The following ZG16 variants were observed in gnomAD, a reference collection of about 807,000 sequenced individuals.
The protein encoded by ZG16 is zymogen granule protein 16, also known as zymogen granule membrane protein 16.
ZG16 carries 9 observed loss-of-function variants against 15.6 expected under a neutral mutation model. That is an observed-to-expected ratio of 0.58 (90% confidence interval 0.35 to 1.00). ZG16 has a LOEUF of 1.00. ZG16 is among the 50% of genes least tolerant of loss of function. The pLI, the probability that ZG16 is intolerant of heterozygous loss-of-function variation, is 0.02. For synonymous variants in ZG16, 89 were observed against 87.4 expected (o/e 1.02, Z -0.10); for missense variants, 174 against 214.8 (o/e 0.81, Z 1.19).
At position 29,779,606 on chromosome 16, in the gene ZG16, C is replaced by T. The variant is rs768594263; in HGVS notation, c.157C>T (p.Arg53Trp). 2.9e-5 allele frequency: 44 copies of T among 1,536,652 alleles called. No homozygotes were observed. Among genetic ancestry groups the T allele is most frequent in the Admixed American group, 7.9e-5 (4 of 50,772 alleles). The stretch of plus-strand genomic sequence containing the variant: ...GTTGGACGGCCCCATCACCGCCCTC[C>T]GGGTCCGAGTCAACACATACTACAT... ...NQLDGPITAL[R>W]VRVNTYYIVG... The change falls in exon 3 of 4, where the codon CGG becomes TGG. Residue 53 changes from arginine (R) to tryptophan (W), a missense_variant. Coordinates refer to ENST00000400752, the MANE Select transcript of ZG16 (RefSeq NM_152338.4).
Position 29,781,695 on chromosome 16 carries a change from T to G in ZG16, c.*1276T>G, listed in dbSNP as rs1898626613. On this transcript the variant is annotated 3_prime_UTR_variant, in exon 4 of 4. Coordinates refer to ENST00000400752, the MANE Select transcript of ZG16 (RefSeq NM_152338.4). ...GGGAGGCTGAGGCATGAGAATCACT[T>G]GAATGCTGGAGGCAGAGGTTACAAT... The G allele has an allele frequency of 6.6e-6, 1 of 151,998 alleles. No individual in the cohort carries two copies. Among genetic ancestry groups the G allele is most frequent in the Non-Finnish European group, 1.5e-5 (1 of 68,030 alleles). 9.4% of individuals were successfully genotyped at this position (151,998 alleles called of 1,614,324 possible).
rs1343645838 is a variant in ZG16, at chr16:29,779,624, T to A, written c.175T>A (p.Tyr59Asn). 6.5e-6 allele frequency: 10 copies of A among 1,537,208 alleles called. No individual in the cohort carries two copies. Among genetic ancestry groups the A allele is most frequent in the African/African-American group, 1.4e-5 (1 of 73,118 alleles). The change falls in exon 3 of 4, where the codon TAC (tyrosine) becomes AAC (asparagine). Residue 59 changes from tyrosine (Y) to asparagine (N), a missense_variant. Tyr to Asn is a moderately radical substitution (Grantham distance 143, BLOSUM62 -2). Transcript: ENST00000400752. The stretch of plus-strand genomic sequence containing the variant: ...CGCCCTCCGGGTCCGAGTCAACACA[T>A]ACTACATCGTAGGGTAAGATTCTTT... ...ITALRVRVNTYYIVGLQVRYG... is the reference protein window; with the variant it reads ...ITALRVRVNTNYIVGLQVRYG...
At chr16:29,778,566 A>G (rs938542835) in intron 1 of ZG16, among the ~76,000 whole-genome samples, 2 of 152,058 alleles carry the variant, frequency 1.3e-5, no homozygotes, top group African/African-American at 4.8e-5. Flanking sequence ...CTGGGGTCTA[A>G]TATCTTGAGC....
chr16:29,780,278 G>C lies in ZG16; in HGVS notation c.363G>C (p.Gly121=), dbSNP rs1276087958. 3.9e-6 allele frequency: 6 copies of C among 1,537,428 alleles called. No individual in the cohort carries two copies. Among genetic ancestry groups the C allele is most frequent in the Non-Finnish European group, 5.2e-6 (6 of 1,146,944 alleles). The stretch of plus-strand genomic sequence containing the variant: ...ACAAGGGCCGCTATCTGTCTTTTGG[G>C]AAAGACAGTGGCACAAGTTTCAATG... ...VTDKGRYLSF[G]KDSGTSFNAV... The change falls in exon 4 of 4, where the codon GGG becomes GGC. Residue 121 remains glycine (G), a synonymous_variant. Transcript: ENST00000400752.
rs1456601096 is a variant in ZG16 at position 29,779,610 on chromosome 16, TC to T, written c.163del (p.Arg55GlufsTer8). On this transcript the variant is annotated frameshift_variant, in exon 3 of 4. Transcript: ENST00000400752. LOFTEE classifies it high-confidence loss of function. ...GACGGCCCCATCACCGCCCTCCGGG[TC>T]CGAGTCAACACATACTACATCGTAG... ...QLDGPITALRVRVNTYYIVGL... is the reference protein window; with the variant it reads ...QLDGPITALRXRVNTYYIVGL... 6.5e-7 allele frequency: 1 copy of T among 1,527,038 alleles called. No individual in the cohort carries two copies. The highest frequency in any genetic ancestry group is 8.7e-7 in the Non-Finnish European group (1 of 1,145,448). 94.6% of individuals were successfully genotyped at this position (1,527,038 alleles called of 1,614,324 possible).
rs1898615668 is a variant in ZG16, at chr16:29,780,662, G to A, written c.*243G>A. The A allele has an allele frequency of 2.1e-6, 1 of 483,704 alleles. No homozygotes were observed. Among genetic ancestry groups the A allele is most frequent in the South Asian group, 3.2e-5 (1 of 31,034 alleles). The allele number at this position is 483,704 out of a possible 1,614,324, so 30.0% of individuals were successfully genotyped here. On this transcript the variant is annotated 3_prime_UTR_variant, in exon 4 of 4. Transcript: ENST00000400752. ...GGTATGTAAGAATCCTGGGCTTTGT[G>A]CTATAATTTATCAAGAGGAGATGAG...
Position 29,781,368 on chromosome 16 carries a change from G to C in ZG16, c.*949G>C, listed in dbSNP as rs1378903092. 1.3e-5 allele frequency: 2 copies of C among 152,266 alleles called. No individual in the cohort carries two copies. Among genetic ancestry groups the C allele is most frequent in the African/African-American group, 4.8e-5 (2 of 41,468 alleles). 9.4% of individuals were successfully genotyped at this position (152,266 alleles called of 1,614,324 possible). Reference sequence around the variant, plus strand: ...AGAAAGAGGCTGGAGATTCTGAAAAGAGATCACTGGTGAGGTCTCAAAAGA... The same window carrying C: ...AGAAAGAGGCTGGAGATTCTGAAAACAGATCACTGGTGAGGTCTCAAAAGA... On this transcript the variant is annotated 3_prime_UTR_variant, in exon 4 of 4. Transcript: ENST00000400752.
At position 29,781,458 on chromosome 16, in the gene ZG16, G is replaced by A. The variant is rs1596833208; in HGVS notation, c.*1039G>A. On this transcript the variant is annotated 3_prime_UTR_variant, in exon 4 of 4. Transcript: ENST00000400752. ...TAAGAAGGGAAGAAAATTAAAATGA[G>A]TGAAGGTATACGTTAGTTTTGTAAA... is the stretch of plus-strand genomic sequence containing the variant. 2.0e-5 allele frequency: 3 copies of A among 152,222 alleles called. No individual in the cohort carries two copies. Among genetic ancestry groups the A allele is most frequent in the African/African-American group, 4.8e-5 (2 of 41,442 alleles). 9.4% of individuals were successfully genotyped at this position (152,222 alleles called of 1,614,324 possible). A position where few individuals can be genotyped will look rare whatever the true frequency, so the allele number is the denominator to read the frequency against.
rs1397579612 is a variant in ZG16, at chr16:29,782,177, G to A, written c.*1758G>A. On this transcript the variant is annotated 3_prime_UTR_variant, in exon 4 of 4. Coordinates refer to ENST00000400752, the MANE Select transcript of ZG16 (RefSeq NM_152338.4). Reference sequence around the variant, plus strand: ...TAGCAATATGTCTGCCCCAGTGAATGCAGCCGCCACGGAGCCCCAGCCTCC... The same window carrying A: ...TAGCAATATGTCTGCCCCAGTGAATACAGCCGCCACGGAGCCCCAGCCTCC... 1 of 152,272 alleles carries A rather than the reference G, an allele frequency of 6.6e-6. No individual in the cohort carries two copies. Among genetic ancestry groups the A allele is most frequent in the East Asian group, 1.9e-4 (1 of 5,196 alleles). 9.4% of individuals were successfully genotyped at this position (152,272 alleles called of 1,614,324 possible).
chr16:29,780,743 C>T lies in ZG16; in HGVS notation c.*324C>T. 1 of 267,380 alleles carries T rather than the reference C, an allele frequency of 3.7e-6. No individual in the cohort carries two copies. The highest frequency in any genetic ancestry group is 8.9e-5 in the East Asian group (1 of 11,274). 16.6% of individuals were successfully genotyped at this position (267,380 alleles called of 1,614,324 possible). A position where few individuals can be genotyped will look rare whatever the true frequency, so the allele number is the denominator to read the frequency against. On this transcript the variant is annotated 3_prime_UTR_variant, in exon 4 of 4. Transcript: ENST00000400752. ...CAGCTCCTTGGAACATTGATCCAAA[C>T]TGGAGTCATGGGTCTGAGGGCAAGG...
intron 1 of ZG16, among the ~76,000 whole-genome samples, chr16:29,778,697 C>T (rs1158552260): frequency 6.6e-6 from 1 of 152,120 alleles, no homozygotes; most frequent in Non-Finnish European, 1.5e-5. Context: ...ATAGAGGCAA[C>T]TCTAAAATGC....
intron 1 of ZG16, among the ~76,000 whole-genome samples, chr16:29,778,537 T>C (rs1306048350): frequency 6.7e-6 from 1 of 148,668 alleles, no homozygotes; most frequent in African/African-American, 2.5e-5. Context: ...AAAAGAATAG[T>C]GACACATAGA....
rs754994624 is a variant in ZG16 at position 29,780,095 on chromosome 16, C to T, written c.189-9C>T. The T allele has an allele frequency of 6.5e-7, 1 of 1,530,876 alleles. No individual in the cohort carries two copies. The highest frequency in any genetic ancestry group is 1.2e-5 in the South Asian group (1 of 83,638). 94.8% of individuals were successfully genotyped at this position (1,530,876 alleles called of 1,614,324 possible). ...TTTCTTTCTCCTTCCTTCCTCCCCT[C>T]TTCCTCAGTCTTCAGGTGCGCTATG... On this transcript the variant is annotated splice_polypyrimidine_tract_variant and intron_variant, in intron 3 of 3. Transcript: ENST00000400752.
Position 29,781,783 on chromosome 16 carries a change from A to G in ZG16, c.*1364A>G, listed in dbSNP as rs528417291. The G allele has an allele frequency of 6.6e-6, 1 of 152,342 alleles. No individual in the cohort carries two copies. The highest frequency in any genetic ancestry group is 1.9e-4 in the East Asian group (1 of 5,182). The allele number at this position is 152,342 out of a possible 1,614,324, so 9.4% of individuals were successfully genotyped here. A position where few individuals can be genotyped will look rare whatever the true frequency, so the allele number is the denominator to read the frequency against. ...CAGAGTGAGACTCCATCTAAAAAAA[A>G]AAGGAATGTTATCAGTATCAAAATG... On this transcript the variant is annotated 3_prime_UTR_variant, in exon 4 of 4. Coordinates refer to ENST00000400752, the MANE Select transcript of ZG16 (RefSeq NM_152338.4).
In ZG16 at chr16:29,782,322, C is replaced by T. The variant is rs1366655299; in HGVS notation, c.*1903C>T. The T allele has an allele frequency of 6.6e-6, 1 of 152,160 alleles. No homozygotes were observed. The highest frequency in any genetic ancestry group is 2.4e-5 in the African/African-American group (1 of 41,424). 9.4% of individuals were successfully genotyped at this position (152,160 alleles called of 1,614,324 possible). On this transcript the variant is annotated 3_prime_UTR_variant, in exon 4 of 4. Transcript: ENST00000400752. The stretch of plus-strand genomic sequence containing the variant: ...GGGGCTCACACCTGTAATCCCAGCA[C>T]ACTTGTAATCCCAGGAGGGTCGCTT...
Position 29,778,880 on chromosome 16 carries a change from C to T in ZG16, c.-7-380C>T, listed in dbSNP as rs144836066. Among the ~76,000 whole-genome samples, 1,207 of 152,268 alleles carry T rather than the reference C, an allele frequency of 7.9e-3. 23 individuals carry two copies. The highest frequency in any genetic ancestry group is 0.028 in the African/African-American group (1,144 of 41,550). On this transcript the variant is annotated intron_variant, in intron 1 of 3. Coordinates refer to ENST00000400752, the MANE Select transcript of ZG16 (RefSeq NM_152338.4). ...TCCTCTACTCCCTCCTTAGAAAACT[C>T]GTTTCCTGGCTATGGCCATACCAAC...
chr16:29,779,747 G>C, intron 3 of ZG16, 110 bp downstream of exon 3: 1 of 1,341,168 alleles, frequency 7.5e-7, no homozygotes, highest in South Asian at 1.4e-5. Flanking sequence ...CTCAGCCTGG[G>C]CAAGATGCCA....
intron 2 of ZG16, 65 bp from the exon 3 acceptor site, chr16:29,779,440 G>A (rs1244312673): frequency 1.3e-6 from 2 of 1,534,912 alleles, no homozygotes; most frequent in Admixed American, 2.0e-5. Flanking sequence ...CGGAGGAACA[G>A]GGGTGATGCA....
chr16:29,779,662 G>C (rs1898600652), intron 3 of ZG16, 25 bp downstream of exon 3: 1 of 1,536,338 alleles, frequency 6.5e-7, no homozygotes, highest in East Asian at 2.4e-5. Context: ...ATTCCTGGCT[G>C]GGCGCGGTGG....
Sources: gnomAD v4.1 joint callset for allele counts (sites outside exome capture counted in the v4.1 genomes callset) on GRCh38, gnomAD v4.1.1 for gene constraint, MANE v1.5 for transcripts, NCBI Gene and HGNC (gene_info 2026-07-23, HGNC 2026-07-21) for gene names.